Variants in SCFD1 observed in about 807,000 individuals in gnomAD.
SCFD1 encodes sec1 family domain containing 1.
In SCFD1, 37 loss-of-function variants were observed where a neutral mutation model predicts 103.2. The observed-to-expected ratio is 0.36, with a 90% confidence interval of 0.28 to 0.47. The LOEUF (loss-of-function observed/expected upper bound fraction) is 0.47. SCFD1 is among the 20% of genes least tolerant of loss of function. The pLI, the probability that SCFD1 is intolerant of heterozygous loss-of-function variation, is 1.00. For missense variants in SCFD1, 639 were observed against 761.2 expected, an observed-to-expected ratio of 0.84 and a Z score of 1.89; for synonymous variants, 264 against 245.0, an observed-to-expected ratio of 1.08 and a Z score of -0.73.
chr14:30,700,786 GACT>G (rs769929029), intron 16 of SCFD1, among the ~76,000 whole-genome samples: 6 of 152,314 alleles, frequency 3.9e-5, no homozygotes, highest in Non-Finnish European at 7.4e-5. Context: ...TGAAACATCT[GACT>G]ACTTTTAAGT....
At chr14:30,708,449 G>A (rs1453013001) in intron 19 of SCFD1, among the ~76,000 whole-genome samples, 1 of 152,116 alleles carries the variant, frequency 6.6e-6, no homozygotes, top group African/African-American at 2.4e-5. Flanking sequence ...TAGAAATCAA[G>A]GAGTTCTTTA....
At chr14:30,700,778 A>G (rs1891029825) in intron 16 of SCFD1, among the ~76,000 whole-genome samples, 1 of 152,248 alleles carries the variant, frequency 6.6e-6, no homozygotes, top group Non-Finnish European at 1.5e-5. Flanking sequence ...ACTACCCGTG[A>G]AACATCTGAC....
At chr14:30,661,260 C>T (rs1428829738) in intron 10 of SCFD1, among the ~76,000 whole-genome samples, 1 of 152,062 alleles carries the variant, frequency 6.6e-6, no homozygotes, top group Non-Finnish European at 1.5e-5. Context: ...TTGCTCTACT[C>T]GAGTTTCGTT....
chr14:30,713,158 A>G (rs1038510589), intron 19 of SCFD1, among the ~76,000 whole-genome samples: 4 of 152,200 alleles, frequency 2.6e-5, no homozygotes, highest in Non-Finnish European at 4.4e-5. Context: ...CAAAGAATGA[A>G]GGCTAGCTAG....
chr14:30,682,250 C>T (rs1046601644), intron 14 of SCFD1, among the ~76,000 whole-genome samples: 6 of 152,164 alleles, frequency 3.9e-5, no homozygotes, highest in African/African-American at 1.4e-4. Flanking sequence ...TGATAGTATA[C>T]TGTCCCATCT....
intron 8 of SCFD1, among the ~76,000 whole-genome samples, chr14:30,650,330 GTTC>G (rs746495074): frequency 1.3e-5 from 2 of 152,128 alleles, no homozygotes; most frequent in African/African-American, 2.4e-5. Context: ...TCAATGAAAG[GTTC>G]TTCTTAGTGA....
chr14:30,670,237 C>A lies in SCFD1; in HGVS notation c.856-19C>A. On this transcript the variant is annotated intron_variant, in intron 10 of 24. Transcript: ENST00000458591. The stretch of plus-strand genomic sequence containing the variant: ...AGACTTAGAAAACAGTTGTTTAACA[C>A]AAGATTACTTTTTCCTAGGATTTCC... The A allele has an allele frequency of 2.6e-6, 4 of 1,557,586 alleles. No homozygotes were observed. The highest frequency in any genetic ancestry group is 3.5e-6 in the Non-Finnish European group (4 of 1,152,964).
At chr14:30,634,094 A>G (rs536563734) in intron 4 of SCFD1, 57 bp downstream of exon 4, 2 of 1,039,716 alleles carry the variant, frequency 1.9e-6, no homozygotes, top group South Asian at 1.4e-5. Context: ...TTTTTTTTCA[A>G]GAAAAATTCC....
intron 14 of SCFD1, chr14:30,676,613 G>A (rs1025861330): frequency 1.3e-5 from 2 of 152,126 alleles, no homozygotes; most frequent in African/African-American, 2.4e-5. Context: ...AAGTGCAAAG[G>A]CCCTACGACA....
intron 1 of SCFD1, among the ~76,000 whole-genome samples, chr14:30,626,264 G>C (rs1202849558): frequency 6.6e-6 from 1 of 151,954 alleles, no homozygotes; most frequent in Non-Finnish European, 1.5e-5. Context: ...ATTTTTGGCT[G>C]GACATTAGGT....
chr14:30,702,172 C>T, intron 16 of SCFD1, 124 bp from the exon 17 acceptor site: 1 of 593,758 alleles, frequency 1.7e-6, no homozygotes, highest in Non-Finnish European at 2.9e-6. Context: ...TGACTCCACT[C>T]TACTTGGGTG....
At chr14:30,714,191 C>A (rs935691677) in intron 19 of SCFD1, among the ~76,000 whole-genome samples, 10 of 143,230 alleles carry the variant, frequency 7.0e-5, no homozygotes, top group Non-Finnish European at 7.7e-5. Flanking sequence ...ACTAAAAATA[C>A]AAAAAAAAAA....
At chr14:30,660,952 C>G (rs1240201287) in intron 10 of SCFD1, among the ~76,000 whole-genome samples, 1 of 152,092 alleles carries the variant, frequency 6.6e-6, no homozygotes, top group Admixed American at 6.5e-5. Context: ...CTGGCTGCAT[C>G]CGTTTCTCAA....
intron 19 of SCFD1, among the ~76,000 whole-genome samples, chr14:30,711,615 G>A (rs1222130139): frequency 6.6e-6 from 1 of 152,056 alleles, no homozygotes; most frequent in East Asian, 1.9e-4. Flanking sequence ...ACATCATGTT[G>A]TACACCCAAA....
At chr14:30,690,704 ACTGT>A (rs1890222342) in intron 14 of SCFD1, among the ~76,000 whole-genome samples, 1 of 148,876 alleles carries the variant, frequency 6.7e-6, no homozygotes, top group Admixed American at 6.6e-5. Flanking sequence ...GCCTGCGCCC[ACTGT>A]CTGGCGCTCC....
chr14:30,716,761 G>A (rs1358388719), intron 20 of SCFD1, among the ~76,000 whole-genome samples: 1 of 152,094 alleles, frequency 6.6e-6, no homozygotes, highest in Non-Finnish European at 1.5e-5. Flanking sequence ...CACCTTTTTT[G>A]TAATTGTCAG....
chr14:30,709,108 C>T (rs923734981), intron 19 of SCFD1, among the ~76,000 whole-genome samples: 1 of 152,066 alleles, frequency 6.6e-6, no homozygotes, highest in African/African-American at 2.4e-5. Flanking sequence ...CACAGAAACT[C>T]AGTTTGCAGT....
chr14:30,625,789 C>T (rs1287735619), intron 1 of SCFD1, among the ~76,000 whole-genome samples: 1 of 151,756 alleles, frequency 6.6e-6, no homozygotes, highest in Non-Finnish European at 1.5e-5. Flanking sequence ...AATAAGTTAG[C>T]CAAGGCTCAA....
Position 30,633,810 on chromosome 14 carries a change from G to A in SCFD1, c.222-137G>A, listed in dbSNP as rs181381367. On this transcript the variant is annotated intron_variant, in intron 3 of 24. Transcript: ENST00000458591. ...CAACACTGACATGGGAGAAAGATAG[G>A]TTAACTCACTGATTAATTGCAACAA... 9.6e-4 allele frequency: 463 copies of A among 484,350 alleles called. 5 individuals are homozygous for A. The highest frequency in any genetic ancestry group is 8.3e-3 in the African/African-American group (411 of 49,764). The allele number at this position is 484,350 out of a possible 1,614,324, so 30.0% of individuals were successfully genotyped here.
Sources: allele counts gnomAD v4.1 joint callset (sites outside exome capture counted in the v4.1 genomes callset), GRCh38; gene constraint gnomAD v4.1.1; transcripts MANE v1.5; gene names NCBI Gene and HGNC (gene_info 2026-07-23, HGNC 2026-07-21).